Variants in DPYSL5 observed in about 807,000 individuals in gnomAD.
DPYSL5 encodes dihydropyrimidinase-related protein 5.
DPYSL5 carries 9 observed loss-of-function variants against 58.4 expected under a neutral mutation model. That is an observed-to-expected ratio of 0.15 (90% CI 0.09 to 0.27). The LOEUF is 0.27. DPYSL5 is among the 10% of genes least tolerant of loss of function. DPYSL5 has a pLI of 1.00. For missense variants in DPYSL5, 499 were observed against 770.6 expected (o/e 0.65, Z 4.17); for synonymous variants, 293 against 301.9 (o/e 0.97, Z 0.31).
intron 1 of DPYSL5, among the ~76,000 whole-genome samples, chr2:26,851,719 G>A (rs1203097317): frequency 6.6e-6 from 1 of 152,130 alleles, no homozygotes; most frequent in Admixed American, 6.5e-5. Flanking sequence ...GAGACAGGAG[G>A]ATCACTTGAG....
intron 1 of DPYSL5, among the ~76,000 whole-genome samples, chr2:26,879,460 GAAA>G (rs748100269): frequency 4.3e-3 from 318 of 74,398 alleles, no homozygotes; most frequent in African/African-American, 0.017. Context: ...ATCTCTATTT[GAAA>G]AAAAAAAAAA....
rs866993362 is a variant in DPYSL5 at position 26,927,107 on chromosome 2, G to A, written c.421-146G>A. On this transcript the variant is annotated intron_variant, in intron 3 of 12. Coordinates refer to ENST00000288699, the MANE Select transcript of DPYSL5 (RefSeq NM_020134.4). This position sits in a 1 kb window ranked among gnomAD's most constrained non-coding sequence, Gnocchi z 4.3. ...CTCACAGCAGCCTGTGGGGTGGGAG[G>A]AAAGTGAGATAGAGAGGTGTGGGGG... The A allele has an allele frequency of 6.4e-6, 5 of 780,634 alleles. No homozygotes were observed. The highest frequency in any genetic ancestry group is 1.9e-5 in the South Asian group (1 of 51,870). 48.4% of individuals were successfully genotyped at this position (780,634 alleles called of 1,614,324 possible). A position where few individuals can be genotyped will look rare whatever the true frequency, so the allele number is the denominator to read the frequency against.
At chr2:26,885,063 G>T (rs908352476) in intron 1 of DPYSL5, among the ~76,000 whole-genome samples, 3 of 152,168 alleles carry the variant, frequency 2.0e-5, no homozygotes, top group Admixed American at 6.5e-5. Flanking sequence ...GCTGGGCGTG[G>T]TGGCAGGTAC....
At chr2:26,865,991 G>A (rs963530011) in intron 1 of DPYSL5, among the ~76,000 whole-genome samples, 10 of 152,162 alleles carry the variant, frequency 6.6e-5, no homozygotes, top group African/African-American at 1.2e-4. Flanking sequence ...AGGGGCACCC[G>A]GTGGGTGTTT....
intron 2 of DPYSL5, among the ~76,000 whole-genome samples, chr2:26,916,623 C>T (rs1664571050): frequency 6.6e-6 from 1 of 152,202 alleles, no homozygotes; most frequent in Non-Finnish European, 1.5e-5. Flanking sequence ...ACTGTGCCCC[C>T]GACTTTGCTA....
chr2:26,883,757 A>T (rs935018), intron 1 of DPYSL5, among the ~76,000 whole-genome samples: 53,551 of 152,086 alleles, frequency 0.35, 10,488 homozygotes, highest in Admixed American at 0.51. Flanking sequence ...AAGATGCTGT[A>T]TATGGCTGTA....
intron 5 of DPYSL5, among the ~76,000 whole-genome samples, chr2:26,931,201 G>GTATCTATATATATATA (rs1161770394): frequency 1.8e-5 from 1 of 54,546 alleles, no homozygotes; most frequent in Non-Finnish European, 3.8e-5. Flanking sequence ...GTGTGTGTGT[G>GTATCTATATATATATA]TGTATATATA....
At chr2:26,887,793 C>G (rs933427407) in intron 1 of DPYSL5, among the ~76,000 whole-genome samples, 1 of 152,200 alleles carries the variant, frequency 6.6e-6, no homozygotes, top group Non-Finnish European at 1.5e-5. Flanking sequence ...GTCCCCTCCC[C>G]ACCATCCCAC....
chr2:26,871,424 TGAAA>T (rs1395777695), intron 1 of DPYSL5, among the ~76,000 whole-genome samples: 1 of 152,134 alleles, frequency 6.6e-6, no homozygotes, highest in Non-Finnish European at 1.5e-5. Context: ...CTTAAATTTT[TGAAA>T]GAAAGATTAC....
At position 26,942,513 on chromosome 2, in the gene DPYSL5, CT is replaced by C. The variant is rs750652630; in HGVS notation, c.1233-27del. On this transcript the variant is annotated intron_variant, in intron 10 of 12. Transcript: ENST00000288699. This position sits in a 1 kb window ranked among gnomAD's most constrained non-coding sequence, Gnocchi z 5.9. ...GTGACATTTTGACCTGTCCTCAGCG[CT>C]TTCTCTCCCGCCATTGCCTCCCCAC... 1.9e-6 allele frequency: 3 copies of C among 1,603,440 alleles called. No individual in the cohort carries two copies. Among genetic ancestry groups the C allele is most frequent in the African/African-American group, 2.7e-5 (2 of 74,852 alleles).
At chr2:26,907,897 C>T (rs1429584404) in intron 2 of DPYSL5, among the ~76,000 whole-genome samples, 2 of 152,170 alleles carry the variant, frequency 1.3e-5, no homozygotes, top group Admixed American at 6.5e-5. Context: ...ACAGAGCCCG[C>T]GTAGCCCTAA....
At chr2:26,928,465 TG>T in intron 5 of DPYSL5, 142 bp downstream of exon 5, 1 of 913,702 alleles carries the variant, frequency 1.1e-6, no homozygotes, top group East Asian at 2.8e-5. Context: ...GAGGCTGAGG[TG>T]GGTGGATGGC....
At chr2:26,850,543 T>TA (rs888187896) in intron 1 of DPYSL5, among the ~76,000 whole-genome samples, 24 of 150,428 alleles carry the variant, frequency 1.6e-4, no homozygotes, top group African/African-American at 3.4e-4. Context: ...TGCCATTCAT[T>TA]AAAAAAAAAG....
In DPYSL5 at chr2:26,947,330, G is replaced by T; in HGVS notation, c.*335G>T. 4.5e-6 allele frequency: 1 copy of T among 221,410 alleles called. No homozygotes were observed. The allele number at this position is 221,410 out of a possible 1,614,324, so 13.7% of individuals were successfully genotyped here. A position where few individuals can be genotyped will look rare whatever the true frequency, so the allele number is the denominator to read the frequency against. On this transcript the variant is annotated 3_prime_UTR_variant, in exon 13 of 13. Coordinates refer to ENST00000288699, the MANE Select transcript of DPYSL5 (RefSeq NM_020134.4). The surrounding 1 kb of genome is among the most constrained non-coding windows in gnomAD (Gnocchi z 4.2). ...CTCACTCCTGCCTCCGCTGGCTTTG[G>T]GAAAGCCCAGACTTTAGTGCCCTGC... is the stretch of plus-strand genomic sequence containing the variant.
intron 2 of DPYSL5, among the ~76,000 whole-genome samples, chr2:26,917,468 A>G (rs1393974774): frequency 6.6e-6 from 1 of 151,926 alleles, no homozygotes; most frequent in African/African-American, 2.4e-5. Flanking sequence ...CAAATCATGC[A>G]TCTCTCGGAT....
At chr2:26,885,319 C>T (rs376319264) in intron 1 of DPYSL5, among the ~76,000 whole-genome samples, 3 of 152,214 alleles carry the variant, frequency 2.0e-5, no homozygotes, top group African/African-American at 4.8e-5. Context: ...CTCCTGCACT[C>T]GGAAGAGGAT....
At chr2:26,910,616 C>CTTTTTTTTTTTT (rs34929540) in intron 2 of DPYSL5, among the ~76,000 whole-genome samples, 5 of 118,498 alleles carry the variant, frequency 4.2e-5, no homozygotes, top group Non-Finnish European at 6.8e-5. Flanking sequence ...TCTTCTTCTT[C>CTTTTTTTTTTTT]TTTTTTTTTT....
chr2:26,944,201 AT>A lies in DPYSL5; in HGVS notation c.1441-454del, dbSNP rs1157770379. Among the ~76,000 whole-genome samples the A allele has an allele frequency of 6.6e-6, 1 of 152,084 alleles. No individual in the cohort carries two copies. The highest frequency in any genetic ancestry group is 1.5e-5 in the Non-Finnish European group (1 of 68,002). On this transcript the variant is annotated intron_variant, in intron 11 of 12. Transcript: ENST00000288699. The surrounding 1 kb of genome is among the most constrained non-coding windows in gnomAD (Gnocchi z 4.4). Reference sequence around the variant, plus strand: ...CTACTTGGGAGGCTGAGGCAGGAGAATCACTTTGCGGGGGCGGAGGTTGCAG... The same window carrying A: ...CTACTTGGGAGGCTGAGGCAGGAGAACACTTTGCGGGGGCGGAGGTTGCAG...
rs55795892 is a variant in DPYSL5, at chr2:26,936,945, T to TAAAAAAAAAA, written c.947+2218_947+2227dup. Among the ~76,000 whole-genome samples the TAAAAAAAAAA allele has an allele frequency of 1.2e-4, 9 of 77,868 alleles. 1 individual carries two copies. Among genetic ancestry groups the TAAAAAAAAAA allele is most frequent in the Admixed American group, 2.6e-4 (2 of 7,622 alleles). 51.1% of individuals were successfully genotyped at this position (77,868 alleles called of 152,430 possible). On this transcript the variant is annotated intron_variant, in intron 8 of 12. Transcript: ENST00000288699. ...TGGGCAACAAGAGCAAGACTTCATTTAAAAAAAAAAAAAAAAGCTTGTTTT... is the reference window on the plus strand; with the variant it reads ...TGGGCAACAAGAGCAAGACTTCATTTAAAAAAAAAAAAAAAAAAAAAAAAAAGCTTGTTTT...
Sources: gnomAD v4.1 joint callset for allele counts (sites outside exome capture counted in the v4.1 genomes callset) on GRCh38, gnomAD v4.1.1 for gene constraint, Gnocchi (gnomAD v3.1) non-coding constraint, MANE v1.5 for transcripts, NCBI Gene and HGNC (gene_info 2026-07-23, HGNC 2026-07-21) for gene names.